The following PKHD1 variants were observed in gnomAD, a reference collection of about 807,000 sequenced individuals.
The protein encoded by PKHD1 is PKHD1 ciliary IPT domain containing fibrocystin/polyductin, also known as fibrocystin.
Under a neutral mutation model 412.0 loss-of-function variants are expected in PKHD1, and 291 were observed. That is an observed-to-expected ratio of 0.71 (90% CI 0.64 to 0.78). The LOEUF is 0.78. PKHD1 is among the 30% of genes least tolerant of loss of function. PKHD1 has a pLI of 0.00. For synonymous variants in PKHD1, 1,777 were observed against 1,821.5 expected (o/e 0.98, Z 0.62); for missense variants, 4,825 against 4,950.7 (o/e 0.97, Z 0.76).
intron 46 of PKHD1, among the ~76,000 whole-genome samples, chr6:51,881,769 G>T (rs942957606): frequency 5.9e-5 from 9 of 152,120 alleles, no homozygotes; most frequent in Non-Finnish European, 1.3e-4. Flanking sequence ...TTAGGTAATA[G>T]TTGGCTCTTT....
At position 52,030,308 on chromosome 6, in the gene PKHD1, A is replaced by G. The variant is rs913747343; in HGVS notation, c.3365-1957T>C. On this transcript the variant is annotated intron_variant, in intron 29 of 66. Transcript: ENST00000371117. The stretch of plus-strand genomic sequence containing the variant: ...CGGCTCTCAAAGCCTTGGATTTTTC[A>G]TCAATAACATGGTTAATAAAGCCCA... Among the ~76,000 whole-genome samples the G allele has an allele frequency of 3.3e-5, 5 of 152,200 alleles. 1 individual carries two copies. The highest frequency in any genetic ancestry group is 3.3e-4 in the Admixed American group (5 of 15,280).
At chr6:51,734,919 G>A (rs1422181793) in intron 60 of PKHD1, among the ~76,000 whole-genome samples, 2 of 152,178 alleles carry the variant, frequency 1.3e-5, no homozygotes, top group Non-Finnish European at 2.9e-5. Context: ...TATAAGACTT[G>A]AGCATCTGTG....
At chr6:51,736,274 T>C (rs1028143462) in intron 60 of PKHD1, among the ~76,000 whole-genome samples, 1 of 152,214 alleles carries the variant, frequency 6.6e-6, no homozygotes, top group African/African-American at 2.4e-5. Context: ...GTTCATATCA[T>C]CTTTTATAGA....
intron 60 of PKHD1, among the ~76,000 whole-genome samples, chr6:51,681,688 T>C (rs1776685139): frequency 1.3e-5 from 2 of 152,116 alleles, no homozygotes; most frequent in Admixed American, 6.6e-5. Context: ...TAGTGTCCCT[T>C]TTGGGCCATA....
intron 37 of PKHD1, 72 bp downstream of exon 37, chr6:51,934,038 T>A: frequency 8.3e-7 from 1 of 1,205,622 alleles, no homozygotes; most frequent in Non-Finnish European, 1.2e-6. Flanking sequence ...CAAGGACTTT[T>A]AAACAGTTTT....
intron 55 of PKHD1, among the ~76,000 whole-genome samples, chr6:51,757,729 C>T (rs1317362593): frequency 6.6e-6 from 1 of 151,968 alleles, no homozygotes; most frequent in Non-Finnish European, 1.5e-5. Context: ...AGGCCAGGTA[C>T]AGTGCCTCTT....
chr6:51,663,075 G>A (rs1340068293), intron 60 of PKHD1, among the ~76,000 whole-genome samples: 8 of 151,844 alleles, frequency 5.3e-5, no homozygotes, highest in Admixed American at 5.3e-4. Context: ...TAATTACATG[G>A]TCTTAATGGC....
At chr6:51,720,337 C>G (rs1031755315) in intron 60 of PKHD1, among the ~76,000 whole-genome samples, 4 of 152,098 alleles carry the variant, frequency 2.6e-5, no homozygotes, top group African/African-American at 4.8e-5. Context: ...TTCAAATGTC[C>G]CACAGGGCTC....
intron 36 of PKHD1, among the ~76,000 whole-genome samples, chr6:51,941,245 T>TTC (rs1299753916): frequency 8.6e-6 from 1 of 116,026 alleles, no homozygotes; most frequent in Admixed American, 8.7e-5. Flanking sequence ...CCTTTTTTTT[T>TTC]TTTTTTTTTT....
At chr6:51,711,265 T>G (rs957586146) in intron 60 of PKHD1, among the ~76,000 whole-genome samples, 1 of 152,198 alleles carries the variant, frequency 6.6e-6, no homozygotes, top group East Asian at 1.9e-4. Context: ...CATCCTGAGT[T>G]GCCTTCCCTC....
chr6:51,973,817 T>G (rs879258430), intron 35 of PKHD1, among the ~76,000 whole-genome samples: 10 of 152,202 alleles, frequency 6.6e-5, no homozygotes, highest in Non-Finnish European at 1.2e-4. Context: ...GATTTCTTTT[T>G]TCCCCGTTTT....
intron 20 of PKHD1, 115 bp downstream of exon 20, chr6:52,053,923 A>G: frequency 9.7e-7 from 1 of 1,032,716 alleles, no homozygotes; most frequent in Non-Finnish European, 1.5e-6. Flanking sequence ...TCCCCAAATT[A>G]GTGTATGAGG....
intron 55 of PKHD1, among the ~76,000 whole-genome samples, chr6:51,767,381 C>T (rs903020912): frequency 1.3e-5 from 2 of 151,942 alleles, no homozygotes; most frequent in African/African-American, 4.8e-5. Flanking sequence ...TACATGTGCA[C>T]AACGTGCAGG....
chr6:52,016,563 G>C (rs901482752), intron 34 of PKHD1, among the ~76,000 whole-genome samples: 3 of 150,384 alleles, frequency 2.0e-5, no homozygotes, highest in Non-Finnish European at 4.4e-5. Flanking sequence ...TTGAACCTGG[G>C]AGGCAGAGGT....
chr6:51,944,822 C>A (rs1789201185), intron 36 of PKHD1, among the ~76,000 whole-genome samples: 1 of 152,198 alleles, frequency 6.6e-6, no homozygotes. Flanking sequence ...GTGATTATAT[C>A]TACAACCTGC....
At chr6:52,046,269 A>T (rs898588158) in intron 23 of PKHD1, 81 bp from the exon 24 acceptor site, 3 of 1,072,834 alleles carry the variant, frequency 2.8e-6, no homozygotes, top group Non-Finnish European at 4.4e-6. Context: ...GGATAACACG[A>T]TACATACTAG....
At chr6:52,068,064 G>A (rs1810021644) in intron 11 of PKHD1, among the ~76,000 whole-genome samples, 1 of 152,116 alleles carries the variant, frequency 6.6e-6, no homozygotes, top group Non-Finnish European at 1.5e-5. Flanking sequence ...GAACAGATAT[G>A]GAAAGGAGGA....
chr6:51,639,836 T>C (rs1769111161), intron 63 of PKHD1, among the ~76,000 whole-genome samples: 3 of 152,234 alleles, frequency 2.0e-5, no homozygotes, highest in African/African-American at 7.2e-5. Flanking sequence ...GTTTGAGATC[T>C]CTAAGGCTGA....
In PKHD1 at chr6:52,032,984, C is replaced by T. The variant is rs557934760; in HGVS notation, c.3364+46G>A. On this transcript the variant is annotated intron_variant, in intron 29 of 66. Coordinates refer to ENST00000371117, the MANE Select transcript of PKHD1 (RefSeq NM_138694.4). Reference sequence around the variant, plus strand: ...GACATTGATTGCCCTTTTTATAGGACCAATGCTCTAAGAAGAAAAAGATCT... The same window carrying T: ...GACATTGATTGCCCTTTTTATAGGATCAATGCTCTAAGAAGAAAAAGATCT... The T allele has an allele frequency of 6.3e-5, 98 of 1,549,102 alleles. 2 individuals are homozygous for T. The South Asian group carries it at 1.1e-3, about 17-fold the overall frequency.
Sources: gnomAD v4.1 joint callset for allele counts (sites outside exome capture counted in the v4.1 genomes callset) on GRCh38, gnomAD v4.1.1 for gene constraint, MANE v1.5 for transcripts, NCBI Gene and HGNC (gene_info 2026-07-23, HGNC 2026-07-21) for gene names.